Variants in SLC44A5 observed in about 807,000 individuals in gnomAD.
SLC44A5 encodes solute carrier family 44 member 5, also known as choline transporter-like protein 5.
Under a neutral mutation model 101.8 loss-of-function variants are expected in SLC44A5, and 57 were observed. That is an observed-to-expected ratio of 0.56 (90% CI 0.45 to 0.70). SLC44A5 has a LOEUF of 0.70. SLC44A5 is among the 30% of genes least tolerant of loss of function. SLC44A5 has a pLI of 0.00. For synonymous variants in SLC44A5, 281 were observed against 290.9 expected, an observed-to-expected ratio of 0.97 and a Z score of 0.35; for missense variants, 737 against 853.1, an observed-to-expected ratio of 0.86 and a Z score of 1.70.
the SLC44A5 span, among the ~76,000 whole-genome samples, chr1:75,711,174 T>C: frequency 6.6e-6 from 1 of 152,184 alleles, no homozygotes; most frequent in East Asian, 1.9e-4. Context: ...AATTGACTTC[T>C]GTTAGGTCAG....
intron 6 of SLC44A5, among the ~76,000 whole-genome samples, chr1:75,258,236 G>A (rs530387500): frequency 6.6e-5 from 10 of 152,200 alleles, no homozygotes; most frequent in African/African-American, 2.2e-4. Flanking sequence ...GGAACCAAGT[G>A]GTCTGGCTTG....
At chr1:75,671,252 G>A in the SLC44A5 span, among the ~76,000 whole-genome samples, 5 of 152,162 alleles carry the variant, frequency 3.3e-5, no homozygotes, top group Non-Finnish European at 7.3e-5. Flanking sequence ...GTTGGTGTGC[G>A]TGGACTCTGG....
At chr1:75,462,226 A>G (rs891013447) in intron 2 of SLC44A5, among the ~76,000 whole-genome samples, 3 of 152,218 alleles carry the variant, frequency 2.0e-5, no homozygotes, top group African/African-American at 7.2e-5. Flanking sequence ...GTAAGGGAAG[A>G]GAACAAGAGT....
upstream of SLC44A5, among the ~76,000 whole-genome samples, chr1:75,613,534 T>C (rs1675745388): frequency 6.6e-6 from 1 of 152,262 alleles, no homozygotes; most frequent in African/African-American, 2.4e-5. Context: ...AAGGTGTCCT[T>C]CTTTCTGTGA....
chr1:75,226,802 T>C (rs1006292760), intron 13 of SLC44A5, among the ~76,000 whole-genome samples: 1 of 152,134 alleles, frequency 6.6e-6, no homozygotes, highest in Non-Finnish European at 1.5e-5. Flanking sequence ...ACAAGGAGTA[T>C]TACAATAACA....
intron 20 of SLC44A5, 73 bp from the exon 21 acceptor site, chr1:75,214,062 A>G: frequency 1.1e-6 from 1 of 943,834 alleles, no homozygotes; most frequent in East Asian, 2.4e-5. Context: ...TATGGCAGTA[A>G]ATTTTCATGA....
chr1:75,645,951 T>G, the SLC44A5 span, among the ~76,000 whole-genome samples: 85,851 of 132,188 alleles, frequency 0.65, 34,098 homozygotes, highest in East Asian at 0.87. Context: ...TAGATGTGTG[T>G]TATTATTTCT....
At chr1:75,222,989 A>G (rs539491167) in intron 13 of SLC44A5, among the ~76,000 whole-genome samples, 31 of 152,266 alleles carry the variant, frequency 2.0e-4, no homozygotes, top group East Asian at 5.8e-4. Context: ...CTTGGCCAAT[A>G]TAAGTATTAG....
chr1:75,402,424 TCTGTGG>T (rs1176918700), intron 2 of SLC44A5: 1 of 402,624 alleles, frequency 2.5e-6, no homozygotes, highest in Non-Finnish European at 5.1e-6. Flanking sequence ...ACAGCTCTGG[TCTGTGG>T]CTTCCAGCAA....
At chr1:75,435,502 C>A in intron 2 of SLC44A5, among the ~76,000 whole-genome samples, 1 of 152,026 alleles carries the variant, frequency 6.6e-6, no homozygotes, top group South Asian at 2.1e-4. Flanking sequence ...TTTTATACAC[C>A]AAAAGGATAC....
At chr1:75,683,192 G>A in the SLC44A5 span, among the ~76,000 whole-genome samples, 23 of 151,384 alleles carry the variant, frequency 1.5e-4, no homozygotes, top group Admixed American at 1.5e-3. Context: ...GTGGAAGTCA[G>A]TGTGGCGATT....
chr1:75,477,052 A>G (rs143184691), intron 2 of SLC44A5, among the ~76,000 whole-genome samples: 4,013 of 152,312 alleles, frequency 0.026, 169 homozygotes, highest in African/African-American at 0.091. Context: ...CCTCTGAGAC[A>G]AAACTTCCAG....
At chr1:75,546,746 C>T (rs544806505) in intron 1 of SLC44A5, among the ~76,000 whole-genome samples, 47 of 152,104 alleles carry the variant, frequency 3.1e-4, no homozygotes, top group South Asian at 8.3e-4. Flanking sequence ...AATCAGTCCT[C>T]GAAAATGTCT....
chr1:75,238,238 T>C (rs1648287554), intron 10 of SLC44A5, among the ~76,000 whole-genome samples: 1 of 150,356 alleles, frequency 6.7e-6, no homozygotes, highest in Admixed American at 6.7e-5. Flanking sequence ...GAGGTTGCAG[T>C]GAGCTGAGAT....
chr1:75,219,424 A>C (rs1647030867), intron 15 of SLC44A5, 80 bp from the exon 16 acceptor site: 3 of 908,260 alleles, frequency 3.3e-6, no homozygotes, highest in Non-Finnish European at 5.5e-6. Context: ...TGACAACTCA[A>C]AAGTGCATGA....
the SLC44A5 span, chr1:75,642,003 C>T: frequency 6.7e-7 from 1 of 1,485,154 alleles, no homozygotes; most frequent in East Asian, 2.3e-5. Context: ...TCATCTTCAT[C>T]TGCATGGTGG....
At chr1:75,386,456 A>G (rs1570092845) in intron 3 of SLC44A5, among the ~76,000 whole-genome samples, 1 of 152,202 alleles carries the variant, frequency 6.6e-6, no homozygotes, top group African/African-American at 2.4e-5. Context: ...AATCCCATTC[A>G]CAATTGCTTC....
chr1:75,613,875 T>C (rs74088918), upstream of SLC44A5, among the ~76,000 whole-genome samples: 28,619 of 152,178 alleles, frequency 0.19, 3,059 homozygotes, highest in Middle Eastern at 0.29. Context: ...AGGTGTCTTT[T>C]TCATCAAATC....
chr1:75,403,665 G>T (rs549997674), intron 2 of SLC44A5, among the ~76,000 whole-genome samples: 55 of 152,220 alleles, frequency 3.6e-4, no homozygotes, highest in African/African-American at 1.2e-3. Context: ...TCAACAAAAA[G>T]GATGCCCACA....
Sources: allele counts gnomAD v4.1 joint callset (sites outside exome capture counted in the v4.1 genomes callset), GRCh38; gene constraint gnomAD v4.1.1; transcripts MANE v1.5; gene names NCBI Gene and HGNC (gene_info 2026-07-23, HGNC 2026-07-21).